Variants in PRKCB observed in about 807,000 individuals in gnomAD.
The protein encoded by PRKCB is protein kinase C beta, also known as protein kinase C beta type.
Under a neutral mutation model 81.5 loss-of-function variants are expected in PRKCB, and 13 were observed. The ratio of observed to expected loss-of-function variants is 0.16; its 90% CI spans 0.10 to 0.25. PRKCB has a LOEUF of 0.25. PRKCB is among the 10% of genes least tolerant of loss of function. The pLI, the probability that PRKCB is intolerant of heterozygous loss-of-function variation, is 1.00. For missense variants in PRKCB, 509 were observed against 875.7 expected (o/e 0.58, Z 5.29); for synonymous variants, 335 against 321.4 (o/e 1.04, Z -0.45).
intron 7 of PRKCB, among the ~76,000 whole-genome samples, chr16:24,107,278 G>A (rs1198801680): frequency 6.6e-6 from 1 of 152,182 alleles, no homozygotes; most frequent in Non-Finnish European, 1.5e-5. Flanking sequence ...TATTTCATGG[G>A]AGTTACTTTG....
chr16:23,887,128 C>T (rs1362407115), intron 2 of PRKCB, among the ~76,000 whole-genome samples: 1 of 152,040 alleles, frequency 6.6e-6, no homozygotes, highest in Non-Finnish European at 1.5e-5. Context: ...TTCTTGCTTT[C>T]TGTCACTGAA....
At chr16:24,208,105 G>A (rs929833877) in intron 16 of PRKCB, 9 of 152,264 alleles carry the variant, frequency 5.9e-5, no homozygotes, top group Non-Finnish European at 1.2e-4. Context: ...TCCAGTCAGC[G>A]TCTTTAAAAG....
chr16:23,974,888 A>G (rs1427142519), intron 2 of PRKCB, among the ~76,000 whole-genome samples: 5 of 152,288 alleles, frequency 3.3e-5, no homozygotes, highest in African/African-American at 1.2e-4. Context: ...AATCAGCTCC[A>G]GCTGTTTTCT....
At chr16:23,904,282 CA>C (rs1963524801) in intron 2 of PRKCB, among the ~76,000 whole-genome samples, 1 of 152,178 alleles carries the variant, frequency 6.6e-6, no homozygotes. Context: ...CTCTGTGCCT[CA>C]TTTTCCACAT....
intron 3 of PRKCB, among the ~76,000 whole-genome samples, chr16:24,012,248 T>C (rs1317113263): frequency 6.6e-6 from 1 of 152,230 alleles, no homozygotes; most frequent in Admixed American, 6.5e-5. Flanking sequence ...TTCTAAGTGA[T>C]TGATATATGC....
At chr16:24,031,156 C>CCACTG (rs936933771) in intron 3 of PRKCB, among the ~76,000 whole-genome samples, 3 of 152,226 alleles carry the variant, frequency 2.0e-5, no homozygotes, top group Non-Finnish European at 4.4e-5. Flanking sequence ...CTGCCTTTTA[C>CCACTG]CACTGCACTG....
At chr16:23,873,982 A>T (rs757657225) in intron 2 of PRKCB, among the ~76,000 whole-genome samples, 4 of 152,144 alleles carry the variant, frequency 2.6e-5, no homozygotes, top group Non-Finnish European at 5.9e-5. Flanking sequence ...TCCCGATCTT[A>T]TATTTGGCTG....
chr16:24,201,925 A>G (rs1456883265), intron 16 of PRKCB, among the ~76,000 whole-genome samples: 1 of 151,768 alleles, frequency 6.6e-6, no homozygotes, highest in Non-Finnish European at 1.5e-5. Context: ...AGTCCCAGCT[A>G]CTCGGGAGGC....
intron 16 of PRKCB, among the ~76,000 whole-genome samples, chr16:24,198,433 C>T (rs1272396431): frequency 6.6e-6 from 1 of 152,180 alleles, no homozygotes; most frequent in Non-Finnish European, 1.5e-5. Flanking sequence ...CAGGTAGCAG[C>T]ATAGAAGCAG....
intron 2 of PRKCB, among the ~76,000 whole-genome samples, chr16:23,959,874 G>A (rs1273874744): frequency 6.6e-6 from 1 of 152,208 alleles, no homozygotes; most frequent in Non-Finnish European, 1.5e-5. Context: ...CCCCCACTTT[G>A]CAGATGGGGA....
At chr16:24,107,191 A>G (rs2141912582) in intron 7 of PRKCB, among the ~76,000 whole-genome samples, 1 of 152,328 alleles carries the variant, frequency 6.6e-6, no homozygotes, top group African/African-American at 2.4e-5. Context: ...CTTTTCACAG[A>G]TGCACCAACC....
At chr16:24,015,743 A>G (rs1965269494) in intron 3 of PRKCB, among the ~76,000 whole-genome samples, 1 of 152,168 alleles carries the variant, frequency 6.6e-6, no homozygotes, top group Non-Finnish European at 1.5e-5. Flanking sequence ...GGAAGTGTAC[A>G]TTGGTTTATG....
chr16:24,033,603 A>G (rs1047724968), intron 4 of PRKCB, among the ~76,000 whole-genome samples: 20 of 152,106 alleles, frequency 1.3e-4, no homozygotes, highest in Non-Finnish European at 8.8e-5. Flanking sequence ...CTCTACTAAA[A>G]ATACAAAAAT....
intron 2 of PRKCB, among the ~76,000 whole-genome samples, chr16:23,891,678 G>T (rs1404658622): frequency 1.3e-5 from 2 of 152,166 alleles, no homozygotes; most frequent in African/African-American, 4.8e-5. Flanking sequence ...TGTTCAATTA[G>T]AGAAGCTGGC....
chr16:24,048,248 G>A (rs551681620), intron 5 of PRKCB, among the ~76,000 whole-genome samples: 3 of 152,324 alleles, frequency 2.0e-5, no homozygotes, highest in Non-Finnish European at 4.4e-5. Context: ...ACTTGGGTGG[G>A]AGAGAGTTAC....
At chr16:24,129,490 C>T (rs1400839564) in intron 9 of PRKCB, among the ~76,000 whole-genome samples, 1 of 151,818 alleles carries the variant, frequency 6.6e-6, no homozygotes, top group African/African-American at 2.4e-5. Context: ...ACTCTCTCCT[C>T]TCTCTTTCTG....
intron 9 of PRKCB, among the ~76,000 whole-genome samples, chr16:24,139,020 T>A (rs965580908): frequency 6.6e-6 from 1 of 151,900 alleles, no homozygotes; most frequent in Non-Finnish European, 1.5e-5. Flanking sequence ...CCCGGCTAAA[T>A]TTTATATTTT....
At chr16:23,924,148 T>G (rs1012676554) in intron 2 of PRKCB, among the ~76,000 whole-genome samples, 1 of 150,748 alleles carries the variant, frequency 6.6e-6, no homozygotes, top group African/African-American at 2.4e-5. Flanking sequence ...CTCATGATAC[T>G]GAGTGAGTTC....
At chr16:23,887,828 T>TTGTAC (rs149346087) in intron 2 of PRKCB, among the ~76,000 whole-genome samples, 1 of 152,082 alleles carries the variant, frequency 6.6e-6, no homozygotes, top group African/African-American at 2.4e-5. Context: ...TGTAAGAGCG[T>TTGTAC]CCTTTTTTCT....
Sources: gnomAD v4.1 joint callset for allele counts (sites outside exome capture counted in the v4.1 genomes callset) on GRCh38, gnomAD v4.1.1 for gene constraint, MANE v1.5 for transcripts, NCBI Gene and HGNC (gene_info 2026-07-23, HGNC 2026-07-21) for gene names.